The following MECOM variants were observed in gnomAD, a reference collection of about 807,000 sequenced individuals.
The protein encoded by MECOM is MDS1 and EVI1 complex locus.
A neutral mutation model predicts 116.3 loss-of-function variants in MECOM; 13 were observed. The observed-to-expected ratio is 0.11, with a 90% CI of 0.07 to 0.18. The LOEUF (loss-of-function observed/expected upper bound fraction) is 0.18. MECOM is among the 10% of genes least tolerant of loss of function. The pLI, the probability that MECOM is intolerant of heterozygous loss-of-function variation, is 1.00. For missense variants in MECOM, 1,299 were observed against 1,509.0 expected, an observed-to-expected ratio of 0.86 and a Z score of 2.31; for synonymous variants, 528 against 535.2, an observed-to-expected ratio of 0.99 and a Z score of 0.19.
intron 2 of MECOM, among the ~76,000 whole-genome samples, chr3:169,195,847 T>C (rs988476514): frequency 6.6e-6 from 1 of 152,068 alleles, no homozygotes; most frequent in African/African-American, 2.4e-5. Flanking sequence ...AGAGGCAGCC[T>C]TCAGATTTGA....
At chr3:169,321,535 C>T (rs1455027976) in intron 2 of MECOM, among the ~76,000 whole-genome samples, 4 of 147,368 alleles carry the variant, frequency 2.7e-5, no homozygotes, top group Non-Finnish European at 4.4e-5. Context: ...AGCGAGACTC[C>T]GTCTCAAAAA....
chr3:169,136,329 C>T (rs1374514720), intron 3 of MECOM, among the ~76,000 whole-genome samples: 2 of 151,164 alleles, frequency 1.3e-5, no homozygotes, highest in Admixed American at 1.3e-4. Flanking sequence ...TATTAGTAAT[C>T]TCATGTATAT....
intron 1 of MECOM, among the ~76,000 whole-genome samples, chr3:169,382,879 A>AAAAAAAAAAGAAG (rs1358767356): frequency 5.1e-5 from 7 of 138,510 alleles, no homozygotes; most frequent in Admixed American, 7.3e-5. Flanking sequence ...AAAAATAAAA[A>AAAAAAAAAAGAAG]AAGAAGGTAA....
At chr3:169,428,495 C>T (rs1387602518) in intron 1 of MECOM, among the ~76,000 whole-genome samples, 1 of 152,204 alleles carries the variant, frequency 6.6e-6, no homozygotes, top group Non-Finnish European at 1.5e-5. Context: ...TCACCTTCTG[C>T]TATGCGGCCC....
At chr3:169,400,802 G>C (rs995249071) in intron 1 of MECOM, among the ~76,000 whole-genome samples, 2 of 152,184 alleles carry the variant, frequency 1.3e-5, no homozygotes, top group Non-Finnish European at 2.9e-5. Context: ...AACACCATAT[G>C]GGTTAATTCT....
intron 1 of MECOM, among the ~76,000 whole-genome samples, chr3:169,649,701 A>T (rs780509564): frequency 6.6e-6 from 1 of 152,218 alleles, no homozygotes; most frequent in Non-Finnish European, 1.5e-5. Context: ...GAAAAATGTT[A>T]ATAGAGTAAT....
chr3:169,090,375 C>T lies in MECOM; in HGVS notation c.3165-139G>A, dbSNP rs538920181. On this transcript the variant is annotated intron_variant, in intron 14 of 16. Transcript: ENST00000651503. ...GAAATGTTTTATTGTTTATGCTCTA[C>T]GTCAACCATGAAAAAATAATGTGAC... is the stretch of plus-strand genomic sequence containing the variant. 60 of 702,896 alleles carry T rather than the reference C, an allele frequency of 8.5e-5. 1 individual carries two copies. The highest frequency in any genetic ancestry group is 5.8e-4 in the South Asian group (28 of 47,900). The allele number at this position is 702,896 out of a possible 1,614,324, so 43.5% of individuals were successfully genotyped here.
rs916074722 is a variant in MECOM at position 169,122,509 on chromosome 3, C to T, written c.978+71G>A. 1.6e-5 allele frequency: 25 copies of T among 1,549,110 alleles called. No individual in the cohort carries two copies. The Admixed American group carries it at 1.8e-4, about 11-fold the overall frequency. On this transcript the variant is annotated intron_variant, in intron 6 of 16. Coordinates refer to ENST00000651503, the MANE Select transcript of MECOM (RefSeq NM_004991.4). ...CCTCTGAAGGCTTGTTTTTATATAT[C>T]GTAGCAAGTGATGGATTAAGAGAGA... is the stretch of plus-strand genomic sequence containing the variant.
intron 2 of MECOM, chr3:169,146,855 A>C (rs7633965): frequency 0.92 from 962,048 of 1,044,618 alleles, 443,792 homozygotes; most frequent in Non-Finnish European, 0.93. Context: ...AGCAACATTT[A>C]GAGATGTTTA....
At chr3:169,103,691 A>C (rs1274071167) in intron 10 of MECOM, among the ~76,000 whole-genome samples, 2 of 152,182 alleles carry the variant, frequency 1.3e-5, no homozygotes, top group Non-Finnish European at 2.9e-5. Flanking sequence ...AAAAGGCAAC[A>C]TTTCCTACTC....
chr3:169,500,626 A>T (rs1005092712), intron 1 of MECOM, among the ~76,000 whole-genome samples: 1 of 152,000 alleles, frequency 6.6e-6, no homozygotes, highest in African/African-American at 2.4e-5. Flanking sequence ...AGGCAAAAAC[A>T]AATGTTTTAA....
intron 2 of MECOM, among the ~76,000 whole-genome samples, chr3:169,198,534 C>G (rs1748734140): frequency 6.6e-6 from 1 of 151,932 alleles, no homozygotes; most frequent in South Asian, 2.1e-4. Context: ...ATGGCAAAGT[C>G]ATTATTTACC....
chr3:169,178,179 A>G lies in MECOM; in HGVS notation c.376-34347T>C, dbSNP rs538466817. On this transcript the variant is annotated intron_variant, in intron 2 of 16. Coordinates refer to ENST00000651503, the MANE Select transcript of MECOM (RefSeq NM_004991.4). ...AATACATGTATATATGAAATGTGTG[A>G]AAGCCTGCAAGCAAGTTTAAGGAAC... 9.8e-5 allele frequency among the ~76,000 whole-genome samples: 15 copies of G among 152,312 alleles called. No individual in the cohort carries two copies. In the South Asian group the frequency reaches 2.9e-3, roughly 29 times the overall value.
chr3:169,302,021 C>T (rs970284760), intron 2 of MECOM, among the ~76,000 whole-genome samples: 10 of 152,156 alleles, frequency 6.6e-5, no homozygotes, highest in African/African-American at 2.2e-4. Flanking sequence ...TGAATATATG[C>T]CTCCTAAATG....
chr3:169,557,963 TATAAGCTAGTGAAATGAAGTC>T (rs1396264530), intron 1 of MECOM, among the ~76,000 whole-genome samples: 1 of 152,232 alleles, frequency 6.6e-6, no homozygotes, highest in Non-Finnish European at 1.5e-5. Flanking sequence ...GAAATGAAGT[TATAAGCTAGTGAAATGAAGTC>T]ATAAGCTGGT....
chr3:169,115,469 T>C lies in MECOM; in HGVS notation c.2403A>G (p.Lys801=). 3 of 1,613,888 alleles carry C rather than the reference T, an allele frequency of 1.9e-6. No individual in the cohort carries two copies. Among genetic ancestry groups the C allele is most frequent in the Non-Finnish European group, 2.5e-6 (3 of 1,179,874 alleles). The part of the protein sequence containing the change: ...PRKNHVFGGK[K]GSNVESRPAS... ...CAGGTCTTGATTCGACGTTGCTTCC[T>C]TTTTTTCCCCCAAACACGTGGTTTT... is the stretch of plus-strand genomic sequence containing the variant. The change falls in exon 8 of 17, where the codon AAA becomes AAG. Residue 801 remains lysine (K), a synonymous_variant. Coordinates refer to ENST00000651503, the MANE Select transcript of MECOM (RefSeq NM_004991.4).
At chr3:169,295,761 G>A (rs1449309217) in intron 2 of MECOM, among the ~76,000 whole-genome samples, 3 of 152,102 alleles carry the variant, frequency 2.0e-5, no homozygotes, top group East Asian at 1.9e-4. Context: ...GACATTGCCC[G>A]TGCTGCTCTC....
chr3:169,249,772 C>T (rs774472400), intron 2 of MECOM, among the ~76,000 whole-genome samples: 2 of 152,128 alleles, frequency 1.3e-5, no homozygotes, highest in Admixed American at 6.5e-5. Context: ...AGTTACATCA[C>T]TCATTCATGG....
intron 1 of MECOM, among the ~76,000 whole-genome samples, chr3:169,405,917 G>GCT (rs1394569705): frequency 3.3e-5 from 5 of 152,194 alleles, no homozygotes; most frequent in African/African-American, 1.2e-4. Flanking sequence ...GGTTTACAGA[G>GCT]CACTTTGCAT....
Sources: gnomAD v4.1 joint callset for allele counts (sites outside exome capture counted in the v4.1 genomes callset) on GRCh38, gnomAD v4.1.1 for gene constraint, MANE v1.5 for transcripts, NCBI Gene and HGNC (gene_info 2026-07-23, HGNC 2026-07-21) for gene names.